Variants in NSMCE2 observed in about 807,000 individuals in gnomAD.
NSMCE2 encodes NSE2 SUMO ligase component of SMC5/6 complex, also known as E3 SUMO-protein ligase NSE2.
A neutral mutation model predicts 23.8 loss-of-function variants in NSMCE2; 24 were observed. The ratio of observed to expected loss-of-function variants is 1.01; its 90% confidence interval spans 0.73 to 1.42. NSMCE2 has a LOEUF of 1.42. NSMCE2 is among the 40% of genes most tolerant of loss of function. The pLI, the probability that NSMCE2 is intolerant of heterozygous loss-of-function variation, is 0.00. For synonymous variants in NSMCE2, 92 were observed against 94.1 expected, an observed-to-expected ratio of 0.98 and a Z score of 0.13; for missense variants, 284 against 296.5, an observed-to-expected ratio of 0.96 and a Z score of 0.31.
chr8:125,324,468 C>CAA (rs71295840), intron 5 of NSMCE2, among the ~76,000 whole-genome samples: 1,856 of 106,442 alleles, frequency 0.017, 45 homozygotes, highest in African/African-American at 0.064. Context: ...TACTACTCAG[C>CAA]AAAAAAAAAA....
At chr8:125,239,392 T>C (rs534136266) in intron 5 of NSMCE2, among the ~76,000 whole-genome samples, 191 of 152,228 alleles carry the variant, frequency 1.3e-3, no homozygotes, top group Non-Finnish European at 2.0e-3. Context: ...GCAGATCACT[T>C]GAGGCCAGGA....
At chr8:125,334,772 C>CTTTTT (rs34213706) in intron 5 of NSMCE2, among the ~76,000 whole-genome samples, 74 of 55,892 alleles carry the variant, frequency 1.3e-3, no homozygotes, top group South Asian at 1.6e-3. Context: ...AGTATCTTTT[C>CTTTTT]TTTTTTTTTT....
chr8:125,197,143 A>G (rs547648706), intron 5 of NSMCE2, among the ~76,000 whole-genome samples: 3 of 152,252 alleles, frequency 2.0e-5, no homozygotes, highest in South Asian at 4.1e-4. Context: ...CCCATTCTGT[A>G]GGTTGCCTGT....
chr8:125,142,570 A>G (rs1820432880), intron 3 of NSMCE2, among the ~76,000 whole-genome samples: 1 of 151,156 alleles, frequency 6.6e-6, no homozygotes, highest in African/African-American at 2.4e-5. Flanking sequence ...ACTCTTCACT[A>G]TGATTTCTAG....
chr8:125,127,462 A>C (rs191684460), intron 3 of NSMCE2, among the ~76,000 whole-genome samples: 1 of 152,180 alleles, frequency 6.6e-6, no homozygotes, highest in African/African-American at 2.4e-5. Flanking sequence ...ATGGGATTTC[A>C]TTTCAAGCAA....
At position 125,174,418 on chromosome 8, in the gene NSMCE2, C is replaced by T. The variant is rs557831921; in HGVS notation, c.265-7685C>T. Among the ~76,000 whole-genome samples the T allele has an allele frequency of 4.6e-5, 7 of 152,258 alleles. 1 individual carries two copies. The South Asian group carries it at 1.5e-3, about 32-fold the overall frequency. On this transcript the variant is annotated intron_variant, in intron 4 of 7. Coordinates refer to ENST00000287437, the MANE Select transcript of NSMCE2 (RefSeq NM_173685.4). Reference sequence around the variant, plus strand: ...ATGTAAAATCAGTTTCGTTTCTTTTCCACCAGTACGGGAATTCTAATGCTG... The same window carrying T: ...ATGTAAAATCAGTTTCGTTTCTTTTTCACCAGTACGGGAATTCTAATGCTG...
chr8:125,171,564 C>G (rs1822206393), intron 4 of NSMCE2, among the ~76,000 whole-genome samples: 1 of 152,118 alleles, frequency 6.6e-6, no homozygotes, highest in Admixed American at 6.5e-5. Context: ...AAGTGCTTAC[C>G]TCAGTACCTT....
intron 5 of NSMCE2, among the ~76,000 whole-genome samples, chr8:125,224,226 T>C (rs1381768073): frequency 6.6e-6 from 1 of 152,234 alleles, no homozygotes; most frequent in Non-Finnish European, 1.5e-5. Context: ...CATTATCACA[T>C]GTATGCTTCG....
intron 3 of NSMCE2, among the ~76,000 whole-genome samples, chr8:125,127,234 G>A (rs961961537): frequency 2.6e-5 from 4 of 152,162 alleles, no homozygotes; most frequent in African/African-American, 9.7e-5. Context: ...GCTTGCTTTG[G>A]TTATAAAGGG....
At chr8:125,098,404 C>T (rs1818036171) in intron 1 of NSMCE2, among the ~76,000 whole-genome samples, 1 of 152,156 alleles carries the variant, frequency 6.6e-6, no homozygotes, top group Non-Finnish European at 1.5e-5. Context: ...TTGGCCATTA[C>T]TCCCGGTGAG....
chr8:125,154,107 CTT>C (rs1320944423), intron 4 of NSMCE2, among the ~76,000 whole-genome samples: 1 of 152,158 alleles, frequency 6.6e-6, no homozygotes, highest in East Asian at 1.9e-4. Context: ...CTGTCATAGA[CTT>C]TTGCAAATTG....
chr8:125,188,199 A>G (rs1039561713), intron 5 of NSMCE2, among the ~76,000 whole-genome samples: 1 of 152,254 alleles, frequency 6.6e-6, no homozygotes, highest in Non-Finnish European at 1.5e-5. Flanking sequence ...CAGGAACATT[A>G]GAACACCTTC....
At chr8:125,270,579 C>G (rs1827137777) in intron 5 of NSMCE2, 1 of 152,162 alleles carries the variant, frequency 6.6e-6, no homozygotes, top group Non-Finnish European at 1.5e-5. Context: ...GTGTTATATC[C>G]TGGGTAGGGT....
intron 5 of NSMCE2, among the ~76,000 whole-genome samples, chr8:125,336,517 A>G (rs138521549): frequency 1.2e-4 from 18 of 152,286 alleles, no homozygotes; most frequent in African/African-American, 3.4e-4. Flanking sequence ...GTCAGAAGCT[A>G]TGAGAGGATG....
intron 5 of NSMCE2, among the ~76,000 whole-genome samples, chr8:125,231,570 T>C (rs142770014): frequency 1.3e-3 from 201 of 152,280 alleles, no homozygotes; most frequent in Non-Finnish European, 2.3e-3. Context: ...TTGCACACTA[T>C]AGATTGCAAC....
intron 3 of NSMCE2, among the ~76,000 whole-genome samples, chr8:125,137,010 A>T (rs1036021534): frequency 6.6e-6 from 1 of 152,110 alleles, no homozygotes; most frequent in Non-Finnish European, 1.5e-5. Context: ...GTTAATTATG[A>T]TAACTTATTT....
chr8:125,186,980 G>A (rs944319491), intron 5 of NSMCE2, among the ~76,000 whole-genome samples: 4 of 152,154 alleles, frequency 2.6e-5, no homozygotes, highest in Non-Finnish European at 5.9e-5. Context: ...TTATCCTTTA[G>A]ATACCCAGTG....
Position 125,206,658 on chromosome 8 carries a change from A to G in NSMCE2, c.418+24402A>G, listed in dbSNP as rs567456911. ...AACTGGGAAAATGGTGATACCATCA[A>G]AAAGTTGTAGACTGTCTCATGGAAG... On this transcript the variant is annotated intron_variant, in intron 5 of 7. Coordinates refer to ENST00000287437, the MANE Select transcript of NSMCE2 (RefSeq NM_173685.4). 4.6e-5 allele frequency among the ~76,000 whole-genome samples: 7 copies of G among 152,334 alleles called. No homozygotes were observed. In the South Asian group the frequency reaches 1.5e-3, roughly 32 times the overall value.
At chr8:125,234,172 G>A (rs893931886) in intron 5 of NSMCE2, among the ~76,000 whole-genome samples, 4 of 151,932 alleles carry the variant, frequency 2.6e-5, no homozygotes, top group Admixed American at 2.0e-4. Flanking sequence ...CAGCCTGGGC[G>A]ACAGAGCGAG....
Sources: allele counts gnomAD v4.1 joint callset (sites outside exome capture counted in the v4.1 genomes callset), GRCh38; gene constraint gnomAD v4.1.1; transcripts MANE v1.5; gene names NCBI Gene and HGNC (gene_info 2026-07-23, HGNC 2026-07-21).